ULK4: variants seen among roughly 807,000 people sequenced by gnomAD.
ULK4 encodes inactive serine/threonine-protein kinase ULK4.
Under a neutral mutation model 160.6 loss-of-function variants are expected in ULK4, and 133 were observed. The observed-to-expected ratio is 0.83, with a 90% CI of 0.72 to 0.96. ULK4 has a LOEUF of 0.96. Ranked by LOEUF, ULK4 falls within the 40% of genes least tolerant of loss-of-function variation. The probability of loss-of-function intolerance (pLI) is 0.00; values close to 1 mark genes in which losing one functional copy is unlikely to be tolerated. For missense variants in ULK4, 1,580 were observed against 1,499.5 expected, an observed-to-expected ratio of 1.05 and a Z score of -0.89; for synonymous variants, 534 against 539.8, an observed-to-expected ratio of 0.99 and a Z score of 0.15.
In ULK4 at chr3:41,515,004, C is replaced by G. The variant is rs78693163; in HGVS notation, c.3226+51021G>C. Among the ~76,000 whole-genome samples, 346 of 152,206 alleles carry G rather than the reference C, an allele frequency of 2.3e-3. 1 individual carries two copies. The highest frequency in any genetic ancestry group is 7.1e-3 in the Admixed American group (108 of 15,292). ...GCATGGTGGCTCACGCTTGTAATTG[C>G]AGCATGTTGGGAGGCTGGGGCGGGT... On this transcript the variant is annotated intron_variant, in intron 32 of 36. Coordinates refer to ENST00000301831, the MANE Select transcript of ULK4 (RefSeq NM_017886.4).
chr3:41,708,668 C>T (rs903692420), intron 25 of ULK4, among the ~76,000 whole-genome samples: 9 of 152,066 alleles, frequency 5.9e-5, no homozygotes, highest in African/African-American at 9.7e-5. Flanking sequence ...CTGGAACCCA[C>T]GAAACAGAGG....
intron 31 of ULK4, among the ~76,000 whole-genome samples, chr3:41,577,393 G>A (rs919552245): frequency 9.9e-5 from 15 of 152,168 alleles, no homozygotes; most frequent in African/African-American, 3.6e-4. Context: ...CATATGAGAT[G>A]TTTTGATACA....
chr3:41,401,183 G>C (rs1443370880), intron 34 of ULK4, among the ~76,000 whole-genome samples: 1 of 152,122 alleles, frequency 6.6e-6, no homozygotes, highest in Non-Finnish European at 1.5e-5. Flanking sequence ...TCGTGCTGTG[G>C]TGGCAAGAAC....
At chr3:41,534,215 A>G (rs1382698659) in intron 32 of ULK4, among the ~76,000 whole-genome samples, 1 of 152,252 alleles carries the variant, frequency 6.6e-6, no homozygotes, top group Non-Finnish European at 1.5e-5. Context: ...ATAAGAAATG[A>G]GTAGTTTGAT....
intron 35 of ULK4, among the ~76,000 whole-genome samples, chr3:41,386,422 A>G (rs1048029042): frequency 6.6e-6 from 1 of 152,210 alleles, no homozygotes; most frequent in South Asian, 2.1e-4. Context: ...ATAATATCCC[A>G]GGTATAAGGA....
Position 41,717,493 on chromosome 3 carries a change from T to G in ULK4, c.2455+235A>C, listed in dbSNP as rs139668080. 2.1e-3 allele frequency among the ~76,000 whole-genome samples: 313 copies of G among 152,312 alleles called. 1 individual carries two copies. The highest frequency in any genetic ancestry group is 6.8e-3 in the Middle Eastern group (2 of 294). On this transcript the variant is annotated intron_variant, in intron 23 of 36. Transcript: ENST00000301831. ...TATTTTCTAAAATGGCCAGTTTACC[T>G]CGGATCACACCTTAATGTGGCATTG... is the stretch of plus-strand genomic sequence containing the variant.
chr3:41,500,661 C>G (rs1156949790), intron 32 of ULK4, among the ~76,000 whole-genome samples: 1 of 152,090 alleles, frequency 6.6e-6, no homozygotes, highest in African/African-American at 2.4e-5. Context: ...TCTATACATT[C>G]ACTAGATCCC....
chr3:41,911,712 T>C, intron 9 of ULK4, 53 bp from the exon 10 acceptor site: 1 of 1,342,334 alleles, frequency 7.4e-7, no homozygotes, highest in Non-Finnish European at 1.1e-6. Context: ...TTCTCTATAG[T>C]TTTATGTTAG....
intron 30 of ULK4, among the ~76,000 whole-genome samples, chr3:41,640,991 A>C (rs1344663046): frequency 1.3e-5 from 2 of 152,192 alleles, no homozygotes; most frequent in Non-Finnish European, 2.9e-5. Flanking sequence ...TCCTGTACTC[A>C]TCAATACAGT....
intron 35 of ULK4, among the ~76,000 whole-genome samples, chr3:41,375,132 G>C (rs2081456501): frequency 6.6e-6 from 1 of 152,132 alleles, no homozygotes; most frequent in Non-Finnish European, 1.5e-5. Flanking sequence ...CGAAATAAAA[G>C]AGGACATAAA....
intron 35 of ULK4, among the ~76,000 whole-genome samples, chr3:41,385,841 C>T (rs1208367935): frequency 1.3e-5 from 2 of 152,152 alleles, no homozygotes; most frequent in African/African-American, 4.8e-5. Flanking sequence ...GACTGGAGAG[C>T]TGAGACTGGA....
chr3:41,856,277 G>A (rs936749589), intron 17 of ULK4, among the ~76,000 whole-genome samples: 2 of 151,644 alleles, frequency 1.3e-5, no homozygotes, highest in Admixed American at 6.6e-5. Context: ...AGTCTATTTA[G>A]CTGTCAGATA....
chr3:41,312,005 A>C (rs906570176), intron 35 of ULK4, among the ~76,000 whole-genome samples: 6 of 132,458 alleles, frequency 4.5e-5, no homozygotes, highest in African/African-American at 2.2e-4. Context: ...GTGGGTTCTT[A>C]CTCTGTTGCC....
intron 35 of ULK4, among the ~76,000 whole-genome samples, chr3:41,264,585 CAG>C (rs1490215961): frequency 2.0e-5 from 3 of 152,282 alleles, no homozygotes; most frequent in South Asian, 4.1e-4. Flanking sequence ...CATATGGAAA[CAG>C]AACCTGTGAG....
In ULK4 at chr3:41,771,414, G is replaced by A. The variant is rs770254849; in HGVS notation, c.2194-16926C>T. Among the ~76,000 whole-genome samples, 16 of 152,210 alleles carry A rather than the reference G, an allele frequency of 1.1e-4. No homozygotes were observed. In the South Asian group the frequency reaches 1.2e-3, roughly 12 times the overall value. On this transcript the variant is annotated intron_variant, in intron 21 of 36. Coordinates refer to ENST00000301831, the MANE Select transcript of ULK4 (RefSeq NM_017886.4). ...ACATTTATAAAGAACAAAAGGAACC[G>A]TAGAATTACAAATGATGGCAAAACT...
chr3:41,274,401 C>T (rs1402095330), intron 35 of ULK4, among the ~76,000 whole-genome samples: 1 of 152,136 alleles, frequency 6.6e-6, no homozygotes, highest in East Asian at 1.9e-4. Context: ...AGTAATTGTT[C>T]CCTAAAAATT....
At chr3:41,679,072 T>G (rs1458296187) in intron 29 of ULK4, among the ~76,000 whole-genome samples, 3 of 152,222 alleles carry the variant, frequency 2.0e-5, no homozygotes, top group Admixed American at 2.0e-4. Flanking sequence ...TTACATCTAT[T>G]GAGCCCTTAC....
At chr3:41,862,756 A>G (rs1249688968) in intron 17 of ULK4, among the ~76,000 whole-genome samples, 1 of 147,720 alleles carries the variant, frequency 6.8e-6, no homozygotes, top group Non-Finnish European at 1.5e-5. Context: ...ATACAGAGTC[A>G]GTCAGTCAGT....
At chr3:41,319,151 C>G (rs778512326) in intron 35 of ULK4, among the ~76,000 whole-genome samples, 1 of 152,176 alleles carries the variant, frequency 6.6e-6, no homozygotes. Context: ...ACTGGCAGTG[C>G]AGAGGCTATG....
Sources: allele counts gnomAD v4.1 joint callset (sites outside exome capture counted in the v4.1 genomes callset), GRCh38; gene constraint gnomAD v4.1.1; transcripts MANE v1.5; gene names NCBI Gene and HGNC (gene_info 2026-07-23, HGNC 2026-07-21).